CBX5: variants seen among roughly 807,000 people sequenced by gnomAD.
CBX5 encodes the protein chromobox protein homolog 5.
A neutral mutation model predicts 20.7 loss-of-function variants in CBX5; 7 were observed. The observed-to-expected ratio is 0.34, with a 90% CI of 0.19 to 0.63. The LOEUF (loss-of-function observed/expected upper bound fraction) is 0.63, where lower values mean the gene tolerates loss of function less well. Ranked by LOEUF, CBX5 falls within the 30% of genes least tolerant of loss-of-function variation. The probability of loss-of-function intolerance (pLI) is 0.75; values close to 1 mark genes in which losing one functional copy is unlikely to be tolerated. For synonymous variants in CBX5, 78 were observed against 77.0 expected (o/e 1.01, Z -0.07); for missense variants, 110 against 224.1 (o/e 0.49, Z 3.25).
chr12:54,259,995 C>T (rs561841840), intron 1 of CBX5, among the ~76,000 whole-genome samples: 2 of 151,972 alleles, frequency 1.3e-5, no homozygotes, highest in Non-Finnish European at 2.9e-5. Flanking sequence ...TTGGGCAATC[C>T]CATTTTACCG....
At position 54,233,247 on chromosome 12, in the gene CBX5, T is replaced by A. The variant is rs546825142; in HGVS notation, c.*8508A>T. On this transcript the variant is annotated 3_prime_UTR_variant, in exon 5 of 5. Transcript: ENST00000209875. ...TATAGACTCTTGAATTCTTTCCTCC[T>A]GTGAGAGATGTAACTCTTTAACAAA... is the stretch of plus-strand genomic sequence containing the variant. 1 of 152,358 alleles carries A rather than the reference T, an allele frequency of 6.6e-6. No individual in the cohort carries two copies. The highest frequency in any genetic ancestry group is 2.1e-4 in the South Asian group (1 of 4,828). 9.4% of individuals were successfully genotyped at this position (152,358 alleles called of 1,614,324 possible). A position where few individuals can be genotyped will look rare whatever the true frequency, so the allele number is the denominator to read the frequency against.
At chr12:54,278,724 T>C (rs904603815) in intron 1 of CBX5, 2 of 152,222 alleles carry the variant, frequency 1.3e-5, no homozygotes, top group Non-Finnish European at 2.9e-5. Flanking sequence ...GAAGGAAATC[T>C]AATTAAAAGG....
At chr12:54,244,354 C>A (rs951827355) in intron 4 of CBX5, among the ~76,000 whole-genome samples, 27 of 152,022 alleles carry the variant, frequency 1.8e-4, no homozygotes, top group African/African-American at 6.5e-4. Flanking sequence ...TTTAGTGGCA[C>A]TGCAACACAA....
chr12:54,244,962 A>C (rs1943719474), intron 4 of CBX5, among the ~76,000 whole-genome samples: 1 of 151,966 alleles, frequency 6.6e-6, no homozygotes. Context: ...TAAGTAATTC[A>C]GAACTGTGTA....
At chr12:54,256,122 A>G (rs960296498) in intron 2 of CBX5, among the ~76,000 whole-genome samples, 4 of 152,230 alleles carry the variant, frequency 2.6e-5, no homozygotes, top group African/African-American at 9.6e-5. Flanking sequence ...CAGTAGCTCA[A>G]TGACAGAGAA....
chr12:54,277,234 TGC>T (rs1944078273), intron 1 of CBX5: 1 of 151,412 alleles, frequency 6.6e-6, no homozygotes, highest in African/African-American at 2.4e-5. Flanking sequence ...GACGGACTCT[TGC>T]TTTGTCGCCC....
chr12:54,275,855 G>A (rs1031336348), intron 1 of CBX5, among the ~76,000 whole-genome samples: 5 of 151,546 alleles, frequency 3.3e-5, no homozygotes, highest in East Asian at 2.0e-4. Flanking sequence ...AAAATTAGCC[G>A]GACGTATGCC....
chr12:54,264,304 C>T (rs897028720), intron 1 of CBX5, among the ~76,000 whole-genome samples: 4 of 152,138 alleles, frequency 2.6e-5, no homozygotes, highest in Admixed American at 2.0e-4. Context: ...CACAGGGGCA[C>T]GCCACCATGC....
chr12:54,247,680 G>T (rs2137013677), intron 3 of CBX5, among the ~76,000 whole-genome samples: 1 of 152,080 alleles, frequency 6.6e-6, no homozygotes, highest in Non-Finnish European at 1.5e-5. Context: ...TACAAGCCAG[G>T]TAATTTTTTT....
chr12:54,242,775 A>T (rs545836303), intron 4 of CBX5, among the ~76,000 whole-genome samples: 1 of 152,132 alleles, frequency 6.6e-6, no homozygotes, highest in African/African-American at 2.4e-5. Flanking sequence ...ACAAAAAAAA[A>T]TCTAGCTACA....
chr12:54,276,218 C>G (rs1248211202), intron 1 of CBX5, among the ~76,000 whole-genome samples: 1 of 151,998 alleles, frequency 6.6e-6, no homozygotes, highest in Non-Finnish European at 1.5e-5. Flanking sequence ...CATAGATACT[C>G]CTTGATGGGG....
intron 1 of CBX5, among the ~76,000 whole-genome samples, chr12:54,259,113 C>G (rs1565871527): frequency 1.3e-5 from 2 of 151,908 alleles, no homozygotes; most frequent in African/African-American, 2.4e-5. Context: ...AATGTAGGTG[C>G]GGGGGGGTTA....
chr12:54,252,393 T>TAA, intron 2 of CBX5, 166 bp from the exon 3 acceptor site: 1 of 358,154 alleles, frequency 2.8e-6, no homozygotes, highest in Non-Finnish European at 4.6e-6. Flanking sequence ...CCAGGAAAAA[T>TAA]GAAAAAAAAA....
chr12:54,275,992 A>C (rs1236026928), intron 1 of CBX5, among the ~76,000 whole-genome samples: 1 of 7,244 alleles, frequency 1.4e-4, no homozygotes, highest in Non-Finnish European at 2.0e-4. Context: ...CTCCATTCCA[A>C]AAAAAAAAAA....
At chr12:54,255,036 G>A (rs957437648) in intron 2 of CBX5, among the ~76,000 whole-genome samples, 9 of 152,276 alleles carry the variant, frequency 5.9e-5, no homozygotes, top group South Asian at 2.1e-4. Context: ...AGCTAGAAAA[G>A]CCAGTCCTAT....
chr12:54,266,888 A>T (rs1017959468), intron 1 of CBX5, among the ~76,000 whole-genome samples: 6 of 152,036 alleles, frequency 3.9e-5, no homozygotes, highest in Non-Finnish European at 5.9e-5. Context: ...TTGCCCTATT[A>T]AAAAAAAGTA....
chr12:54,263,762 C>CAAA (rs66591051), intron 1 of CBX5, among the ~76,000 whole-genome samples: 5 of 37,842 alleles, frequency 1.3e-4, no homozygotes, highest in South Asian at 1.8e-3. Flanking sequence ...GACTCTATCT[C>CAAA]AAAAAAAAAA....
intron 1 of CBX5, among the ~76,000 whole-genome samples, chr12:54,270,061 T>C (rs1265639698): frequency 3.3e-5 from 5 of 152,022 alleles, no homozygotes; most frequent in African/African-American, 1.2e-4. Flanking sequence ...ATTTATCAAT[T>C]TTATTGATCT....
intron 4 of CBX5, among the ~76,000 whole-genome samples, chr12:54,242,574 A>C (rs1943689411): frequency 6.6e-6 from 1 of 151,700 alleles, no homozygotes; most frequent in Non-Finnish European, 1.5e-5. Context: ...ATTATGCACA[A>C]GTCAATTATA....
Sources: allele counts gnomAD v4.1 joint callset (sites outside exome capture counted in the v4.1 genomes callset), GRCh38; gene constraint gnomAD v4.1.1; transcripts MANE v1.5; gene names NCBI Gene and HGNC (gene_info 2026-07-23, HGNC 2026-07-21).